The following GRID2 variants were observed in gnomAD, a reference collection of about 807,000 sequenced individuals.
GRID2 encodes the protein glutamate receptor ionotropic, delta-2.
In GRID2, 33 loss-of-function variants were observed where a neutral mutation model predicts 114.8. The ratio of observed to expected loss-of-function variants is 0.29; its 90% CI spans 0.22 to 0.38. GRID2 has a LOEUF of 0.38. GRID2 is among the 10% of genes least tolerant of loss of function. The pLI, the probability that GRID2 is intolerant of heterozygous loss-of-function variation, is 1.00. For synonymous variants in GRID2, 505 were observed against 449.9 expected, an observed-to-expected ratio of 1.12 and a Z score of -1.55; for missense variants, 1,184 against 1,257.7, an observed-to-expected ratio of 0.94 and a Z score of 0.89.
At chr4:93,145,642 TC>T (rs1736146698) in intron 4 of GRID2, among the ~76,000 whole-genome samples, 1 of 136,760 alleles carries the variant, frequency 7.3e-6, no homozygotes. Context: ...ATTTCTTTTT[TC>T]CTTTTTTTTT....
intron 2 of GRID2, among the ~76,000 whole-genome samples, chr4:92,928,805 G>A (rs898536973): frequency 4.0e-5 from 6 of 151,516 alleles, no homozygotes; most frequent in African/African-American, 1.5e-4. Context: ...TAGTGATTTT[G>A]TGGTTTACAG....
At chr4:93,436,782 CAA>C (rs1721124572) in intron 10 of GRID2, among the ~76,000 whole-genome samples, 1 of 151,934 alleles carries the variant, frequency 6.6e-6, no homozygotes, top group Admixed American at 6.6e-5. Context: ...TAAAAATCAA[CAA>C]GAAAATACTA....
rs984662488 is a variant in GRID2 at position 93,678,628 on chromosome 4, T to C, written c.2360+52193T>C. 2.3e-4 allele frequency among the ~76,000 whole-genome samples: 35 copies of C among 152,106 alleles called. 1 individual carries two copies. Among genetic ancestry groups the C allele is most frequent in the African/African-American group, 8.2e-4 (34 of 41,392 alleles). On this transcript the variant is annotated intron_variant, in intron 14 of 15. Coordinates refer to ENST00000282020, the MANE Select transcript of GRID2 (RefSeq NM_001510.4). Reference sequence around the variant, plus strand: ...AGAGAGTGGGGGCCAATATTCAACATTCTTAAAGAAAAGAATTTTCAAACC... The same window carrying C: ...AGAGAGTGGGGGCCAATATTCAACACTCTTAAAGAAAAGAATTTTCAAACC...
chr4:92,306,181 CTG>C (rs1478831787), intron 1 of GRID2, among the ~76,000 whole-genome samples: 4 of 152,262 alleles, frequency 2.6e-5, no homozygotes, highest in Non-Finnish European at 5.9e-5. Context: ...GTCTCAGAGG[CTG>C]TCTTTGTAAA....
At chr4:92,707,624 C>T (rs1209477144) in intron 2 of GRID2, among the ~76,000 whole-genome samples, 4 of 152,090 alleles carry the variant, frequency 2.6e-5, no homozygotes, top group Non-Finnish European at 5.9e-5. Flanking sequence ...ATGAAAGAGG[C>T]ATTTGAGAGG....
At chr4:92,776,835 A>G (rs1456655384) in intron 2 of GRID2, among the ~76,000 whole-genome samples, 1 of 152,070 alleles carries the variant, frequency 6.6e-6, no homozygotes, top group Non-Finnish European at 1.5e-5. Flanking sequence ...TATATTAATG[A>G]AGGTAGTATA....
intron 2 of GRID2, among the ~76,000 whole-genome samples, chr4:92,683,294 A>G (rs1021271267): frequency 3.7e-4 from 57 of 152,034 alleles, no homozygotes; most frequent in Non-Finnish European, 3.1e-4. Flanking sequence ...GTGAGACTCC[A>G]TATCAGAAAA....
intron 4 of GRID2, among the ~76,000 whole-genome samples, chr4:93,133,532 A>G (rs1479062446): frequency 6.6e-6 from 1 of 152,200 alleles, no homozygotes; most frequent in Non-Finnish European, 1.5e-5. Flanking sequence ...TTTAAGATTG[A>G]ATTTGAGCTA....
At chr4:93,171,843 A>G (rs1738855646) in intron 4 of GRID2, among the ~76,000 whole-genome samples, 2 of 152,342 alleles carry the variant, frequency 1.3e-5, no homozygotes, top group South Asian at 2.1e-4. Context: ...CGCACACTCA[A>G]GTTCATAGTT....
At chr4:92,719,311 A>G (rs1278172555) in intron 2 of GRID2, among the ~76,000 whole-genome samples, 1 of 152,128 alleles carries the variant, frequency 6.6e-6, no homozygotes, top group Non-Finnish European at 1.5e-5. Context: ...TAACAGGACT[A>G]CTTATGAAGT....
intron 2 of GRID2, among the ~76,000 whole-genome samples, chr4:92,740,186 C>T (rs932776209): frequency 6.6e-6 from 1 of 152,080 alleles, no homozygotes; most frequent in Non-Finnish European, 1.5e-5. Flanking sequence ...AAGGCCAGCT[C>T]AAGTAAAAAG....
chr4:92,981,897 T>C (rs937354183), intron 2 of GRID2, among the ~76,000 whole-genome samples: 2 of 151,678 alleles, frequency 1.3e-5, no homozygotes, highest in Non-Finnish European at 2.9e-5. Flanking sequence ...CTGTAAATGA[T>C]TTTAAATTGT....
chr4:92,578,104 C>T (rs62310091), intron 1 of GRID2, among the ~76,000 whole-genome samples: 1 of 130,088 alleles, frequency 7.7e-6, no homozygotes, highest in South Asian at 2.6e-4. Context: ...TCTTCTTCTT[C>T]TTCTTCTTCT....
intron 1 of GRID2, among the ~76,000 whole-genome samples, chr4:92,582,982 G>GTC (rs978416165): frequency 1.3e-5 from 2 of 151,802 alleles, no homozygotes; most frequent in African/African-American, 4.8e-5. Context: ...GAAAGACTCT[G>GTC]TCTCTCTCTA....
rs184421388 is a variant in GRID2 at position 92,979,502 on chromosome 4, A to G, written c.245-105493A>G. On this transcript the variant is annotated intron_variant, in intron 2 of 15. Coordinates refer to ENST00000282020, the MANE Select transcript of GRID2 (RefSeq NM_001510.4). ...ATGAATAAAATTCTGTGTTTTAAGA[A>G]GATCCCCACATAATTTGAATGCATG... Among the ~76,000 whole-genome samples, 497 of 152,220 alleles carry G rather than the reference A, an allele frequency of 3.3e-3. 8 individuals are homozygous for G. The highest frequency in any genetic ancestry group is 4.7e-4 in the Non-Finnish European group (32 of 68,022).
At chr4:93,519,957 C>T (rs901719033) in intron 13 of GRID2, among the ~76,000 whole-genome samples, 5 of 152,078 alleles carry the variant, frequency 3.3e-5, no homozygotes, top group Admixed American at 3.3e-4. Flanking sequence ...CAGGGCCTAG[C>T]TCTAATCCTA....
chr4:93,398,084 A>C (rs1302085105), intron 9 of GRID2, among the ~76,000 whole-genome samples: 1 of 141,554 alleles, frequency 7.1e-6, no homozygotes, highest in African/African-American at 2.9e-5. Context: ...TGATCTCAAG[A>C]GGAAACTGAG....
intron 8 of GRID2, among the ~76,000 whole-genome samples, chr4:93,346,746 C>T (rs1033875526): frequency 3.3e-5 from 5 of 152,042 alleles, no homozygotes; most frequent in Admixed American, 6.6e-5. Flanking sequence ...CTTTCCTAAG[C>T]GAATCTCATC....
At chr4:93,632,312 A>G (rs925585731) in intron 14 of GRID2, among the ~76,000 whole-genome samples, 9 of 152,162 alleles carry the variant, frequency 5.9e-5, no homozygotes, top group African/African-American at 2.4e-5. Flanking sequence ...CCTGAATGGT[A>G]TTGCCTAGGT....
Sources: allele counts gnomAD v4.1 joint callset (sites outside exome capture counted in the v4.1 genomes callset), GRCh38; gene constraint gnomAD v4.1.1; transcripts MANE v1.5; gene names NCBI Gene and HGNC (gene_info 2026-07-23, HGNC 2026-07-21).